Variants in SEL1L observed in about 807,000 individuals in gnomAD.
SEL1L encodes the protein SEL1L adaptor subunit of SYVN1 ubiquitin ligase.
A neutral mutation model predicts 109.8 loss-of-function variants in SEL1L; 52 were observed. The observed-to-expected ratio is 0.47, with a 90% confidence interval of 0.38 to 0.60. The LOEUF (loss-of-function observed/expected upper bound fraction) is 0.60. Among genes scored for constraint, SEL1L ranks in the 20% least tolerant of loss-of-function variants. The pLI is 0.00. For missense variants in SEL1L, 749 were observed against 962.2 expected (o/e 0.78, Z 2.93); for synonymous variants, 373 against 339.6 (o/e 1.10, Z -1.08).
At chr14:81,498,108 A>G (rs118089060) in intron 9 of SEL1L, 62 bp from the exon 10 acceptor site, 26,210 of 1,524,626 alleles carry the variant, frequency 0.017, 260 homozygotes, top group Non-Finnish European at 0.021. Context: ...CCAGAGAGAG[A>G]GAAGTACAAT....
At chr14:81,530,615 C>T (rs1885284274) in intron 1 of SEL1L, among the ~76,000 whole-genome samples, 1 of 152,070 alleles carries the variant, frequency 6.6e-6, no homozygotes, top group Admixed American at 6.5e-5. Context: ...AGAAAGCATG[C>T]ATTTGTGAGA....
intron 12 of SEL1L, among the ~76,000 whole-genome samples, chr14:81,490,966 A>T (rs920871191): frequency 2.6e-5 from 4 of 152,254 alleles, no homozygotes; most frequent in African/African-American, 9.6e-5. Context: ...CAAACATTTT[A>T]GTAATTATAT....
chr14:81,473,631 C>T lies in SEL1L; in HGVS notation c.*3341G>A, dbSNP rs866928426. The T allele has an allele frequency of 6.6e-6, 1 of 152,170 alleles. No homozygotes were observed. Among genetic ancestry groups the T allele is most frequent in the Middle Eastern group, 3.4e-3 (1 of 294 alleles). 9.4% of individuals were successfully genotyped at this position (152,170 alleles called of 1,614,324 possible). A position where few individuals can be genotyped will look rare whatever the true frequency, so the allele number is the denominator to read the frequency against. On this transcript the variant is annotated 3_prime_UTR_variant, in exon 21 of 21. Coordinates refer to ENST00000336735, the MANE Select transcript of SEL1L (RefSeq NM_005065.6). ...AATATCAGCTGTCACTGAAATATAG[C>T]CCTGCTTGTCTTGGCAGGTAAAGGG...
rs1287036055 is a variant in SEL1L, at chr14:81,533,852, C to T, written c.-108G>A. The T allele has an allele frequency of 2.7e-5, 32 of 1,171,480 alleles. No individual in the cohort carries two copies. The highest frequency in any genetic ancestry group is 3.4e-5 in the Non-Finnish European group (28 of 812,100). The allele number at this position is 1,171,480 out of a possible 1,614,324, so 72.6% of individuals were successfully genotyped here. A position where few individuals can be genotyped will look rare whatever the true frequency, so the allele number is the denominator to read the frequency against. On this transcript the variant is annotated 5_prime_UTR_variant, in exon 1 of 21. Transcript: ENST00000336735. The stretch of plus-strand genomic sequence containing the variant: ...CCGCTGCTCTTCCTGCTCTAGTCTC[C>T]TTCCTCCGCCCCTTCCCAGGCTTCC...
intron 19 of SEL1L, among the ~76,000 whole-genome samples, chr14:81,483,317 T>C (rs1335346469): frequency 6.6e-6 from 1 of 152,236 alleles, no homozygotes; most frequent in Non-Finnish European, 1.5e-5. Flanking sequence ...AAAATGTATT[T>C]TGTAGATTTG....
chr14:81,500,251 C>T (rs1039409809), intron 6 of SEL1L, among the ~76,000 whole-genome samples: 8 of 151,690 alleles, frequency 5.3e-5, no homozygotes, highest in Admixed American at 1.3e-4. Context: ...TTATTTTTTC[C>T]GAGACAGAGT....
chr14:81,514,505 G>A (rs1332239512), intron 3 of SEL1L, among the ~76,000 whole-genome samples: 1 of 152,180 alleles, frequency 6.6e-6, no homozygotes, highest in Non-Finnish European at 1.5e-5. Context: ...AGTCCTCTTT[G>A]GGGTCTAGGA....
chr14:81,531,370 C>T (rs1294397696), intron 1 of SEL1L, among the ~76,000 whole-genome samples: 1 of 152,218 alleles, frequency 6.6e-6, no homozygotes, highest in Non-Finnish European at 1.5e-5. Flanking sequence ...GCTGACCATA[C>T]TCCACCTGGA....
At chr14:81,517,807 A>G (rs530229267) in intron 3 of SEL1L, among the ~76,000 whole-genome samples, 2 of 152,218 alleles carry the variant, frequency 1.3e-5, no homozygotes, top group Non-Finnish European at 2.9e-5. Context: ...GTGGGACACA[A>G]CTTCCTTGCT....
At chr14:81,494,350 A>C (rs1883660117) in intron 11 of SEL1L, among the ~76,000 whole-genome samples, 1 of 152,006 alleles carries the variant, frequency 6.6e-6, no homozygotes, top group South Asian at 2.1e-4. Flanking sequence ...ATTCTCTCTC[A>C]CCTGAACTTC....
At chr14:81,531,588 C>T (rs1885325101) in intron 1 of SEL1L, among the ~76,000 whole-genome samples, 1 of 151,814 alleles carries the variant, frequency 6.6e-6, no homozygotes, top group Admixed American at 6.6e-5. Context: ...GGGTCTCGCT[C>T]TATTGTCCAG....
intron 3 of SEL1L, among the ~76,000 whole-genome samples, chr14:81,525,140 G>A (rs961528439): frequency 6.6e-6 from 1 of 152,144 alleles, no homozygotes; most frequent in Admixed American, 6.5e-5. Context: ...AGAAAAAAAG[G>A]GCAAATGTGT....
At chr14:81,511,255 G>A (rs1353236222) in intron 3 of SEL1L, among the ~76,000 whole-genome samples, 1 of 152,184 alleles carries the variant, frequency 6.6e-6, no homozygotes, top group African/African-American at 2.4e-5. Context: ...TAAGATCAGG[G>A]TTCATACAAA....
chr14:81,498,159 C>G, intron 9 of SEL1L, 113 bp from the exon 10 acceptor site: 1 of 1,131,238 alleles, frequency 8.8e-7, no homozygotes, highest in Non-Finnish European at 1.2e-6. Context: ...TTAAAGGAAG[C>G]TGTTTTTACA....
In SEL1L at chr14:81,477,201, A is replaced by C; in HGVS notation, c.2176-20T>G. The C allele has an allele frequency of 6.3e-7, 1 of 1,579,924 alleles. No individual in the cohort carries two copies. The highest frequency in any genetic ancestry group is 1.1e-5 in the South Asian group (1 of 90,284). On this transcript the variant is annotated intron_variant, in intron 20 of 20. Coordinates refer to ENST00000336735, the MANE Select transcript of SEL1L (RefSeq NM_005065.6). ...TCGAATCTTAATGAAAATAATATAGAAACCATTATTATCACTAAAATGTCA... is the reference window on the plus strand; with the variant it reads ...TCGAATCTTAATGAAAATAATATAGCAACCATTATTATCACTAAAATGTCA...
intron 20 of SEL1L, among the ~76,000 whole-genome samples, chr14:81,478,205 G>C (rs1380912200): frequency 1.3e-5 from 2 of 152,004 alleles, no homozygotes; most frequent in Non-Finnish European, 2.9e-5. Context: ...CACGTTTGTA[G>C]GTACAGGTGC....
intron 18 of SEL1L, among the ~76,000 whole-genome samples, chr14:81,485,024 A>G (rs1903476583): frequency 6.6e-6 from 1 of 152,256 alleles, no homozygotes; most frequent in South Asian, 2.1e-4. Context: ...ATGTATAAAA[A>G]ATAAATATTC....
At chr14:81,491,261 G>A (rs1451881150) in intron 12 of SEL1L, among the ~76,000 whole-genome samples, 2 of 152,102 alleles carry the variant, frequency 1.3e-5, no homozygotes, top group African/African-American at 4.8e-5. Context: ...TAACTAAAAG[G>A]TTTACTTGAA....
intron 2 of SEL1L, 72 bp from the exon 3 acceptor site, chr14:81,527,036 T>C (rs1885141082): frequency 9.2e-7 from 1 of 1,092,150 alleles, no homozygotes; most frequent in Non-Finnish European, 1.4e-6. Context: ...CCGTTATTTT[T>C]ACTAATCCAG....
Sources: gnomAD v4.1 joint callset for allele counts (sites outside exome capture counted in the v4.1 genomes callset) on GRCh38, gnomAD v4.1.1 for gene constraint, MANE v1.5 for transcripts, NCBI Gene and HGNC (gene_info 2026-07-23, HGNC 2026-07-21) for gene names.